Variants in KCNN3 observed in about 807,000 individuals in gnomAD.
The protein encoded by KCNN3 is potassium calcium-activated channel subfamily N member 3.
KCNN3 carries 16 observed loss-of-function variants against 62.9 expected under a neutral mutation model. The observed-to-expected ratio is 0.25, with a 90% CI of 0.17 to 0.39. The LOEUF is 0.39. Among genes scored for constraint, KCNN3 ranks in the 10% least tolerant of loss-of-function variants. KCNN3 has a pLI of 1.00. For missense variants in KCNN3, 599 were observed against 949.4 expected (o/e 0.63, Z 4.85); for synonymous variants, 370 against 389.2 (o/e 0.95, Z 0.58).
chr1:154,763,255 T>C (rs1315904513), intron 3 of KCNN3, among the ~76,000 whole-genome samples: 1 of 152,238 alleles, frequency 6.6e-6, no homozygotes, highest in Non-Finnish European at 1.5e-5. Context: ...ATTATGTTTT[T>C]CTGGTTTTTA....
intron 5 of KCNN3, among the ~76,000 whole-genome samples, 172 bp downstream of exon 5, chr1:154,725,744 C>T (rs1571214664): frequency 6.6e-6 from 1 of 152,114 alleles, no homozygotes; most frequent in African/African-American, 2.4e-5. Context: ...GGGGTTTCAA[C>T]GTATTAGCCA....
chr1:154,846,190 C>T (rs769426766), intron 1 of KCNN3, among the ~76,000 whole-genome samples: 3 of 152,194 alleles, frequency 2.0e-5, no homozygotes, highest in Non-Finnish European at 4.4e-5. Flanking sequence ...AGGGCCTAGA[C>T]GATGCCTCTC....
intron 3 of KCNN3, chr1:154,736,948 G>T: frequency 2.9e-6 from 2 of 688,362 alleles, no homozygotes; most frequent in Non-Finnish European, 2.7e-6. Context: ...CTTCTCTGGT[G>T]GGGGCTACGG....
chr1:154,807,573 T>C (rs1318865338), intron 2 of KCNN3, among the ~76,000 whole-genome samples: 1 of 152,140 alleles, frequency 6.6e-6, no homozygotes, highest in Non-Finnish European at 1.5e-5. Flanking sequence ...AAAGGAAGGA[T>C]GTAAACTCCC....
chr1:154,717,165 T>A (rs1700249369), intron 5 of KCNN3, among the ~76,000 whole-genome samples: 1 of 152,236 alleles, frequency 6.6e-6, no homozygotes, highest in African/African-American at 2.4e-5. Flanking sequence ...GTACTTCATA[T>A]GTCTAAGCTC....
At chr1:154,830,560 C>A (rs1480632086) in intron 1 of KCNN3, among the ~76,000 whole-genome samples, 1 of 152,202 alleles carries the variant, frequency 6.6e-6, no homozygotes, top group African/African-American at 2.4e-5. Flanking sequence ...CACGGGGAAA[C>A]TAGGCAGATA....
intron 3 of KCNN3, among the ~76,000 whole-genome samples, chr1:154,739,205 C>G (rs1360776797): frequency 6.6e-6 from 1 of 152,204 alleles, no homozygotes; most frequent in Non-Finnish European, 1.5e-5. Context: ...GAAGGATTGA[C>G]TCTACAGTGT....
At chr1:154,834,010 G>T (rs563881388) in intron 1 of KCNN3, among the ~76,000 whole-genome samples, 1 of 152,234 alleles carries the variant, frequency 6.6e-6, no homozygotes, top group Non-Finnish European at 1.5e-5. Flanking sequence ...TTCAGAAACA[G>T]CACAGCCGTG....
At chr1:154,730,873 G>A (rs537771084) in intron 4 of KCNN3, among the ~76,000 whole-genome samples, 1 of 152,254 alleles carries the variant, frequency 6.6e-6, no homozygotes, top group Non-Finnish European at 1.5e-5. Flanking sequence ...GACAGCAAAA[G>A]GGGGTGCTGA....
chr1:154,848,115 G>C (rs1652153944), intron 1 of KCNN3, among the ~76,000 whole-genome samples: 1 of 152,174 alleles, frequency 6.6e-6, no homozygotes, highest in Non-Finnish European at 1.5e-5. Flanking sequence ...CCCAGCCAGA[G>C]TGGCTGGTGC....
chr1:154,839,917 C>A (rs955959808), intron 1 of KCNN3, among the ~76,000 whole-genome samples: 2 of 152,176 alleles, frequency 1.3e-5, no homozygotes, highest in African/African-American at 4.8e-5. Flanking sequence ...TTGCCAGGGG[C>A]AGGGTGGGCA....
At chr1:154,735,825 C>T (rs548509803) in intron 3 of KCNN3, among the ~76,000 whole-genome samples, 1 of 152,316 alleles carries the variant, frequency 6.6e-6, no homozygotes, top group South Asian at 2.1e-4. Flanking sequence ...AGGCCCTGTG[C>T]TGAGGCAGTG....
In KCNN3 at chr1:154,836,767, C is replaced by T. The variant is rs144366751; in HGVS notation, c.934-14583G>A. Among the ~76,000 whole-genome samples, 25 of 152,314 alleles carry T rather than the reference C, an allele frequency of 1.6e-4. No individual in the cohort carries two copies. In the East Asian group the frequency reaches 4.4e-3, roughly 27 times the overall value. ...GTCTGAAGGAAACTCGGCTGGAGCC[C>T]GAGAGCCGCCGCCCCTGGGCTCCCT... On this transcript the variant is annotated intron_variant, in intron 1 of 7. Transcript: ENST00000271915.
At chr1:154,754,090 C>A (rs1006397482) in intron 3 of KCNN3, among the ~76,000 whole-genome samples, 1 of 152,176 alleles carries the variant, frequency 6.6e-6, no homozygotes, top group Admixed American at 6.5e-5. Flanking sequence ...TTGAACCAAA[C>A]CGGTTTTATC....
At chr1:154,796,756 C>A (rs2101869036) in intron 2 of KCNN3, among the ~76,000 whole-genome samples, 1 of 152,358 alleles carries the variant, frequency 6.6e-6, no homozygotes, top group East Asian at 1.9e-4. Flanking sequence ...GCTGGCCAAG[C>A]TGTGCAAGGC....
Position 154,772,196 on chromosome 1 carries a change from G to A in KCNN3, c.1227C>T (p.Ile409=). Residue 409 remains isoleucine, a synonymous_variant, in exon 3 of 8, where the codon ATC becomes ATT. Transcript: ENST00000271915. This position sits in a 1 kb window ranked among gnomAD's most constrained non-coding sequence, Gnocchi z 5.6. ...TCAGGTACAGGCGCAGGAACATGGG[G>A]ATAGACAGGATGATGTCCACATCGG... ...AEADVDIILS[I]PMFLRLYLIA... is the part of the protein sequence containing the mutation. The A allele has an allele frequency of 6.2e-7, 1 of 1,614,256 alleles. No homozygotes were observed. Among genetic ancestry groups the A allele is most frequent in the Non-Finnish European group, 8.5e-7 (1 of 1,180,050 alleles).
At chr1:154,868,170 C>G in intron 1 of KCNN3, 1 of 985,522 alleles carries the variant, frequency 1.0e-6, no homozygotes, top group Non-Finnish European at 1.2e-6. Flanking sequence ...TTGTGGGGAC[C>G]GCCTGGGAAG....
intron 1 of KCNN3, among the ~76,000 whole-genome samples, chr1:154,854,448 T>C (rs1652434900): frequency 1.3e-5 from 2 of 152,180 alleles, no homozygotes. Context: ...GATCTAAGAC[T>C]TGTCAATGGA....
At chr1:154,846,967 GCAC>G (rs746628602) in intron 1 of KCNN3, among the ~76,000 whole-genome samples, 37 of 152,238 alleles carry the variant, frequency 2.4e-4, no homozygotes, top group Non-Finnish European at 5.0e-4. Context: ...ACCAAAGCAG[GCAC>G]CGGACTCGGA....
Sources: gnomAD v4.1 joint callset for allele counts (sites outside exome capture counted in the v4.1 genomes callset) on GRCh38, gnomAD v4.1.1 for gene constraint, Gnocchi (gnomAD v3.1) non-coding constraint, MANE v1.5 for transcripts, NCBI Gene and HGNC (gene_info 2026-07-23, HGNC 2026-07-21) for gene names.